Variants in GRM1 observed in about 807,000 individuals in gnomAD.
GRM1 encodes the protein metabotropic glutamate receptor 1.
GRM1 carries 33 observed loss-of-function variants against 90.9 expected under a neutral mutation model. The ratio of observed to expected loss-of-function variants is 0.36; its 90% CI spans 0.28 to 0.49. The LOEUF (loss-of-function observed/expected upper bound fraction) is 0.49. Ranked by LOEUF, GRM1 falls within the 20% of genes least tolerant of loss-of-function variation. The pLI, the probability that GRM1 is intolerant of heterozygous loss-of-function variation, is 0.99. For synonymous variants in GRM1, 700 were observed against 613.2 expected (o/e 1.14, Z -2.09); for missense variants, 1,190 against 1,534.3 (o/e 0.78, Z 3.75).
At position 146,183,830 on chromosome 6, in the gene GRM1, C is replaced by T. The variant is rs143644048; in HGVS notation, c.950+24233C>T. ...GTGGTTCCAATATCTACCCTGACTTCTATCTCTTGCATATGGCATAAATCC... is the reference window on the plus strand; with the variant it reads ...GTGGTTCCAATATCTACCCTGACTTTTATCTCTTGCATATGGCATAAATCC... On this transcript the variant is annotated intron_variant, in intron 2 of 7. Coordinates refer to ENST00000282753, the MANE Select transcript of GRM1 (RefSeq NM_001278064.2). Among the ~76,000 whole-genome samples, 855 of 152,318 alleles carry T rather than the reference C, an allele frequency of 5.6e-3. 4 individuals carry two copies. Among genetic ancestry groups the T allele is most frequent in the Non-Finnish European group, 8.6e-3 (585 of 68,016 alleles).
intron 1 of GRM1, among the ~76,000 whole-genome samples, chr6:146,091,304 C>T (rs977711364): frequency 6.6e-6 from 1 of 152,106 alleles, no homozygotes; most frequent in Admixed American, 6.6e-5. Context: ...GCTCCCTCTC[C>T]ACTATGGGAA....
intron 2 of GRM1, among the ~76,000 whole-genome samples, chr6:146,299,339 C>T (rs1223071616): frequency 6.6e-6 from 1 of 151,926 alleles, no homozygotes; most frequent in African/African-American, 2.4e-5. Context: ...TTATTGGATG[C>T]TAAACAGTGA....
chr6:146,259,954 TTATTTATATATATATA>T (rs929193256), intron 2 of GRM1, among the ~76,000 whole-genome samples: 9 of 148,104 alleles, frequency 6.1e-5, no homozygotes, highest in Admixed American at 4.1e-4. Context: ...TCACCAATAC[TTATTTATATATATATA>T]TATTTATATA....
chr6:146,110,304 G>C (rs893727868), intron 1 of GRM1, among the ~76,000 whole-genome samples: 13 of 152,110 alleles, frequency 8.5e-5, no homozygotes, highest in Non-Finnish European at 1.5e-4. Context: ...TTCCCATGCT[G>C]TTCTCATGAT....
chr6:146,161,459 A>C (rs1777723597), intron 2 of GRM1, among the ~76,000 whole-genome samples: 1 of 152,172 alleles, frequency 6.6e-6, no homozygotes, highest in Non-Finnish European at 1.5e-5. Context: ...AACTCATACA[A>C]GTATTTCTGA....
chr6:146,263,988 T>C (rs1781786732), intron 2 of GRM1, among the ~76,000 whole-genome samples: 2 of 152,068 alleles, frequency 1.3e-5, no homozygotes, highest in African/African-American at 4.8e-5. Flanking sequence ...CATTGGAGAG[T>C]TAATGAATGT....
At chr6:146,038,824 A>G (rs1444665535) in intron 1 of GRM1, among the ~76,000 whole-genome samples, 2 of 152,074 alleles carry the variant, frequency 1.3e-5, no homozygotes, top group Non-Finnish European at 2.9e-5. Context: ...AAAAAAATCA[A>G]TAAACAAATT....
At chr6:146,101,797 GTAA>G (rs1014030254) in intron 1 of GRM1, among the ~76,000 whole-genome samples, 89 of 148,818 alleles carry the variant, frequency 6.0e-4, no homozygotes, top group African/African-American at 2.1e-3. Context: ...TATAATTATA[GTAA>G]TAATAACACT....
intron 3 of GRM1, among the ~76,000 whole-genome samples, chr6:146,338,363 G>A (rs1173920742): frequency 6.6e-6 from 1 of 152,178 alleles, no homozygotes; most frequent in Admixed American, 6.5e-5. Context: ...GCCCCAACAA[G>A]TCCTCTATGT....
At chr6:146,057,018 C>G (rs1775505601) in intron 1 of GRM1, among the ~76,000 whole-genome samples, 1 of 152,258 alleles carries the variant, frequency 6.6e-6, no homozygotes, top group African/African-American at 2.4e-5. Flanking sequence ...AGTGAGCAAG[C>G]CTTGCTTGTG....
intron 2 of GRM1, among the ~76,000 whole-genome samples, chr6:146,268,550 TA>T (rs1321096274): frequency 6.6e-6 from 1 of 152,188 alleles, no homozygotes; most frequent in African/African-American, 2.4e-5. Context: ...AGGCACCCAG[TA>T]AGTGTCTGTT....
At chr6:146,240,118 C>A in intron 2 of GRM1, among the ~76,000 whole-genome samples, 1 of 152,110 alleles carries the variant, frequency 6.6e-6, no homozygotes, top group South Asian at 2.1e-4. Context: ...AGGACCATCT[C>A]TTCCCTTCAC....
In GRM1 at chr6:146,071,441, A is replaced by G. The variant is rs536927792; in HGVS notation, c.700+41224A>G. Reference sequence around the variant, plus strand: ...TATCAAGAACCATGGATGCATTATCAACTTCATGCTTAATATAGTTATATA... The same window carrying G: ...TATCAAGAACCATGGATGCATTATCGACTTCATGCTTAATATAGTTATATA... On this transcript the variant is annotated intron_variant, in intron 1 of 7. Transcript: ENST00000282753. Among the ~76,000 whole-genome samples the G allele has an allele frequency of 3.3e-5, 5 of 152,326 alleles. No homozygotes were observed. In the South Asian group the frequency reaches 1.0e-3, roughly 32 times the overall value.
chr6:146,383,035 G>A (rs1477928327), intron 5 of GRM1, among the ~76,000 whole-genome samples: 1 of 152,084 alleles, frequency 6.6e-6, no homozygotes, highest in East Asian at 1.9e-4. Flanking sequence ...TAAAGTCTGA[G>A]TCTAGAGGGT....
chr6:146,337,667 A>G (rs2115007909), intron 3 of GRM1, among the ~76,000 whole-genome samples: 1 of 152,348 alleles, frequency 6.6e-6, no homozygotes, highest in East Asian at 1.9e-4. Flanking sequence ...TTCTAAAGAT[A>G]CAGCACAATG....
chr6:146,367,964 A>C (rs1309121955), intron 5 of GRM1, among the ~76,000 whole-genome samples: 1 of 152,102 alleles, frequency 6.6e-6, no homozygotes, highest in Non-Finnish European at 1.5e-5. Flanking sequence ...GGTAGTATAG[A>C]CATTTAAACT....
At chr6:146,200,463 A>G (rs1779263892) in intron 2 of GRM1, among the ~76,000 whole-genome samples, 1 of 152,138 alleles carries the variant, frequency 6.6e-6, no homozygotes. Context: ...CATTTTTCCT[A>G]GATCACCATT....
At position 146,408,128 on chromosome 6, in the gene GRM1, T is replaced by C. The variant is rs550485145; in HGVS notation, c.2660+8429T>C. 1.3e-4 allele frequency among the ~76,000 whole-genome samples: 20 copies of C among 152,250 alleles called. No homozygotes were observed. In the South Asian group the frequency reaches 3.9e-3, roughly 30 times the overall value. On this transcript the variant is annotated intron_variant, in intron 7 of 7. Transcript: ENST00000282753. ...TGGTTTGAAGATGGCCATCTTCTCA[T>C]TGTATCCTCACATGATAGAGAGCAG...
intron 1 of GRM1, among the ~76,000 whole-genome samples, chr6:146,123,840 G>A (rs78856701): frequency 0.013 from 1,938 of 152,188 alleles, 37 homozygotes; most frequent in African/African-American, 0.044. Flanking sequence ...GGTTTCTAGC[G>A]CTACCATGGA....
Sources: allele counts gnomAD v4.1 joint callset (sites outside exome capture counted in the v4.1 genomes callset), GRCh38; gene constraint gnomAD v4.1.1; transcripts MANE v1.5; gene names NCBI Gene and HGNC (gene_info 2026-07-23, HGNC 2026-07-21).